NREP: variants seen among roughly 807,000 people sequenced by gnomAD.
NREP encodes the protein neuronal regeneration-related protein.
Under a neutral mutation model 8.6 loss-of-function variants are expected in NREP, and 5 were observed. The ratio of observed to expected loss-of-function variants is 0.58; its 90% confidence interval spans 0.30 to 1.22. NREP has a LOEUF of 1.22. Among genes scored for constraint, NREP ranks in the 50% most tolerant of loss-of-function variants. The pLI is 0.07. For synonymous variants in NREP, 27 were observed against 28.0 expected, an observed-to-expected ratio of 0.96 and a Z score of 0.11; for missense variants, 86 against 82.5, an observed-to-expected ratio of 1.04 and a Z score of -0.17.
chr5:111,941,679 C>A (rs543356789), intron 2 of NREP, among the ~76,000 whole-genome samples: 2 of 152,078 alleles, frequency 1.3e-5, no homozygotes, highest in East Asian at 3.9e-4. Flanking sequence ...TGAATGCAAG[C>A]CTATTATTAA....
upstream of NREP, chr5:111,757,240 G>A: frequency 9.0e-6 from 3 of 333,864 alleles, no homozygotes; most frequent in Non-Finnish European, 1.3e-5. Context: ...GGGGGGGGAG[G>A]GGGGATTGGG....
At chr5:111,937,289 T>C (rs1755710773) in intron 2 of NREP, among the ~76,000 whole-genome samples, 1 of 152,094 alleles carries the variant, frequency 6.6e-6, no homozygotes, top group Non-Finnish European at 1.5e-5. Flanking sequence ...CATAACTGTC[T>C]TTCTCACTGG....
chr5:111,969,188 G>T (rs1218765194), intron 2 of NREP, among the ~76,000 whole-genome samples: 1 of 152,188 alleles, frequency 6.6e-6, no homozygotes, highest in African/African-American at 2.4e-5. Flanking sequence ...CCTGCTCAAT[G>T]ACACGGTTAA....
chr5:111,810,624 G>A (rs1752248045), intron 2 of NREP, among the ~76,000 whole-genome samples: 1 of 152,156 alleles, frequency 6.6e-6, no homozygotes, highest in Non-Finnish European at 1.5e-5. Context: ...TCATGAAACA[G>A]AAATAACATT....
intron 2 of NREP, among the ~76,000 whole-genome samples, chr5:111,802,860 T>C (rs138181938): frequency 1.3e-5 from 2 of 152,298 alleles, no homozygotes; most frequent in East Asian, 3.9e-4. Context: ...ATGAGCTCCT[T>C]AGATGACTGA....
chr5:111,866,023 T>C (rs1357110949), intron 2 of NREP, among the ~76,000 whole-genome samples: 1 of 152,188 alleles, frequency 6.6e-6, no homozygotes, highest in Non-Finnish European at 1.5e-5. Context: ...TGCCTTAAAA[T>C]GCAGAGCTCT....
chr5:111,886,177 T>G, intron 2 of NREP, among the ~76,000 whole-genome samples: 1 of 152,132 alleles, frequency 6.6e-6, no homozygotes. Flanking sequence ...GAACAGACAC[T>G]TCTCAAAAGA....
intron 2 of NREP, among the ~76,000 whole-genome samples, chr5:111,742,207 T>C (rs1749726744): frequency 6.6e-6 from 1 of 152,164 alleles, no homozygotes; most frequent in Non-Finnish European, 1.5e-5. Context: ...CAACATTACA[T>C]GTCAGGAAGG....
At chr5:111,766,404 C>T (rs187198497) in intron 2 of NREP, among the ~76,000 whole-genome samples, 61 of 152,290 alleles carry the variant, frequency 4.0e-4, no homozygotes, top group East Asian at 1.3e-3. Flanking sequence ...TGCCTTAAAA[C>T]CTCCAGCTAT....
intron 2 of NREP, among the ~76,000 whole-genome samples, chr5:111,920,473 A>C (rs1755206864): frequency 6.6e-6 from 1 of 152,114 alleles, no homozygotes; most frequent in Non-Finnish European, 1.5e-5. Context: ...CTGAGGTGTC[A>C]GCCGAAGTTC....
chr5:111,837,764 G>A (rs1752929697), intron 2 of NREP, among the ~76,000 whole-genome samples: 1 of 152,028 alleles, frequency 6.6e-6, no homozygotes, highest in Non-Finnish European at 1.5e-5. Context: ...AATTGTTGAT[G>A]AAAAACCACA....
chr5:111,935,227 G>A (rs1415141983), intron 2 of NREP, among the ~76,000 whole-genome samples: 1 of 152,050 alleles, frequency 6.6e-6, no homozygotes, highest in Non-Finnish European at 1.5e-5. Context: ...GCAGATAAAT[G>A]AACTATTGCA....
At chr5:111,786,984 T>C (rs1260914579) in intron 2 of NREP, among the ~76,000 whole-genome samples, 5 of 152,216 alleles carry the variant, frequency 3.3e-5, no homozygotes, top group Non-Finnish European at 1.5e-5. Flanking sequence ...TCTTAAACTA[T>C]GTCCAGCAGA....
At chr5:111,785,045 C>T (rs1056663892) in intron 2 of NREP, among the ~76,000 whole-genome samples, 1 of 152,060 alleles carries the variant, frequency 6.6e-6, no homozygotes, top group African/African-American at 2.4e-5. Context: ...CTAGGGAGAA[C>T]ATTAAAGATG....
chr5:111,813,650 G>A (rs371910417), intron 2 of NREP, among the ~76,000 whole-genome samples: 38 of 152,078 alleles, frequency 2.5e-4, no homozygotes, highest in Middle Eastern at 3.4e-3. Flanking sequence ...AGTAATATAT[G>A]GATCATACTA....
chr5:111,742,354 C>T (rs144127113), intron 2 of NREP, among the ~76,000 whole-genome samples: 1 of 152,052 alleles, frequency 6.6e-6, no homozygotes, highest in Non-Finnish European at 1.5e-5. Flanking sequence ...TATGTGGGAA[C>T]CTGACAGCTG....
intron 2 of NREP, among the ~76,000 whole-genome samples, chr5:111,963,231 G>A (rs1215448503): frequency 4.6e-5 from 7 of 152,208 alleles, no homozygotes; most frequent in African/African-American, 1.4e-4. Flanking sequence ...GCCCAAAGCA[G>A]CCAGCCAGAT....
rs1485456064 is a variant in NREP, at chr5:111,853,203, T to C, written c.136-117696A>G. Among the ~76,000 whole-genome samples the C allele has an allele frequency of 3.5e-4, 53 of 152,032 alleles. 1 individual carries two copies. Among genetic ancestry groups the C allele is most frequent in the Non-Finnish European group, 1.5e-5 (1 of 68,002 alleles). On this transcript the variant is annotated intron_variant, in intron 2 of 3. Coordinates refer to the NREP transcript ENST00000395634. The stretch of plus-strand genomic sequence containing the variant: ...AGGAAAGGCAAAACTATATAGACAG[T>C]AGAAAAATCAATGATTTCCAGGGGT...
chr5:111,771,195 T>C (rs192042817), intron 2 of NREP, among the ~76,000 whole-genome samples: 12 of 152,220 alleles, frequency 7.9e-5, no homozygotes, highest in African/African-American at 2.6e-4. Context: ...AAGGGAAGAA[T>C]AAAAGGAGCA....
Sources: gnomAD v4.1 joint callset for allele counts (sites outside exome capture counted in the v4.1 genomes callset) on GRCh38, gnomAD v4.1.1 for gene constraint, MANE v1.5 for transcripts, NCBI Gene and HGNC (gene_info 2026-07-23, HGNC 2026-07-21) for gene names.